The following IPO11 variants were observed in gnomAD, a reference collection of about 807,000 sequenced individuals.
IPO11 encodes the protein importin-11.
In IPO11, 66 loss-of-function variants were observed where a neutral mutation model predicts 143.2. That is an observed-to-expected ratio of 0.46 (90% CI 0.38 to 0.57). The LOEUF (loss-of-function observed/expected upper bound fraction) is 0.57, where lower values mean the gene tolerates loss of function less well. Among genes scored for constraint, IPO11 ranks in the 20% least tolerant of loss-of-function variants. IPO11 has a pLI of 0.00. For missense variants in IPO11, 1,026 were observed against 1,141.0 expected (o/e 0.90, Z 1.45); for synonymous variants, 385 against 377.8 (o/e 1.02, Z -0.22).
At chr5:62,579,586 G>C in intron 27 of IPO11, 1 of 1,551,036 alleles carries the variant, frequency 6.4e-7, no homozygotes, top group Non-Finnish European at 8.7e-7. Context: ...CCGTAACTTA[G>C]GCCTTTCGAG....
intron 28 of IPO11, among the ~76,000 whole-genome samples, chr5:62,594,845 A>G (rs561358554): frequency 1.7e-4 from 26 of 152,356 alleles, no homozygotes; most frequent in Admixed American, 2.6e-4. Context: ...AAAGGAGTCC[A>G]GGGAAACTGA....
At chr5:62,445,853 G>A (rs1198266776) in intron 3 of IPO11, among the ~76,000 whole-genome samples, 1 of 152,048 alleles carries the variant, frequency 6.6e-6, no homozygotes, top group African/African-American at 2.4e-5. Context: ...AGTATCATCT[G>A]TATTTTTTTT....
chr5:62,488,980 C>A lies in IPO11; in HGVS notation c.1310-322C>A, dbSNP rs142723796. 5.6e-4 allele frequency among the ~76,000 whole-genome samples: 85 copies of A among 152,220 alleles called. 1 individual carries two copies. The highest frequency in any genetic ancestry group is 1.8e-3 in the African/African-American group (75 of 41,528). ...AAAACCTCACTCCACTGTACTCCAG[C>A]CTGGGTGACAAAGCAAGACCTTGTC... is the stretch of plus-strand genomic sequence containing the variant. On this transcript the variant is annotated intron_variant, in intron 13 of 29. Coordinates refer to ENST00000325324, the MANE Select transcript of IPO11 (RefSeq NM_016338.5).
intron 5 of IPO11, among the ~76,000 whole-genome samples, chr5:62,455,264 G>A (rs572656842): frequency 6.6e-6 from 1 of 152,346 alleles, no homozygotes; most frequent in South Asian, 2.1e-4. Context: ...GCTCACGCCT[G>A]TAGTCCCAGC....
At chr5:62,492,082 G>A (rs907250955) in intron 15 of IPO11, among the ~76,000 whole-genome samples, 1 of 152,168 alleles carries the variant, frequency 6.6e-6, no homozygotes, top group South Asian at 2.1e-4. Flanking sequence ...TGGTAATCTT[G>A]TTAAAGTTTA....
intron 27 of IPO11, chr5:62,579,433 A>G (rs1744455092): frequency 6.4e-7 from 1 of 1,550,520 alleles, no homozygotes; most frequent in South Asian, 1.2e-5. Context: ...ATCCAAGAAC[A>G]GGGATATGTG....
At chr5:62,503,351 T>TTAATATATTAATAGTATCTAC (rs1561338219) in intron 16 of IPO11, among the ~76,000 whole-genome samples, 21 of 105,946 alleles carry the variant, frequency 2.0e-4, no homozygotes, top group Admixed American at 1.1e-3. Context: ...ATAGTATCTA[T>TTAATATATTAATAGTATCTAC]TAATATATTA....
intron 16 of IPO11, among the ~76,000 whole-genome samples, chr5:62,497,653 T>C (rs1225014743): frequency 6.6e-6 from 1 of 152,114 alleles, no homozygotes; most frequent in African/African-American, 2.4e-5. Context: ...ATTTTTTGTA[T>C]AGACGAGGTC....
At chr5:62,499,415 G>C (rs1207113543) in intron 16 of IPO11, among the ~76,000 whole-genome samples, 2 of 152,178 alleles carry the variant, frequency 1.3e-5, no homozygotes, top group Non-Finnish European at 2.9e-5. Flanking sequence ...ATGTTGCTCT[G>C]GGTGAGGCAG....
Position 62,616,719 on chromosome 5 carries a change from CA to C in IPO11, c.2764-10409del, listed in dbSNP as rs538760503. On this transcript the variant is annotated intron_variant, in intron 29 of 29. Coordinates refer to ENST00000325324, the MANE Select transcript of IPO11 (RefSeq NM_016338.5). ...TGGGGCACAGGGTGAGACTCTGACT[CA>C]AAAAAAAAAAAAAAAAAAAAAAAAA... Among the ~76,000 whole-genome samples, 138 of 84,418 alleles carry C rather than the reference CA, an allele frequency of 1.6e-3. 1 individual carries two copies. Among genetic ancestry groups the C allele is most frequent in the East Asian group, 4.3e-3 (11 of 2,584 alleles). 55.4% of individuals were successfully genotyped at this position (84,418 alleles called of 152,430 possible). A position where few individuals can be genotyped will look rare whatever the true frequency, so the allele number is the denominator to read the frequency against.
At chr5:62,555,407 T>C (rs1412860288) in intron 26 of IPO11, among the ~76,000 whole-genome samples, 1 of 152,016 alleles carries the variant, frequency 6.6e-6, no homozygotes, top group African/African-American at 2.4e-5. Flanking sequence ...CGCAAACTCT[T>C]ACTCAGGTGA....
At chr5:62,551,878 C>T (rs1257430570) in intron 26 of IPO11, among the ~76,000 whole-genome samples, 5 of 152,136 alleles carry the variant, frequency 3.3e-5, no homozygotes, top group African/African-American at 9.7e-5. Flanking sequence ...GTAATCCCAG[C>T]ACTTTGGGAG....
chr5:62,627,449 C>G lies in IPO11; in HGVS notation c.*131C>G. ...ATAAGCAAAGACCACACATTTTTTA[C>G]TACAAAATGTAAAGGATAAATGTAA... On this transcript the variant is annotated 3_prime_UTR_variant, in exon 30 of 30. Transcript: ENST00000325324. The G allele has an allele frequency of 1.3e-6, 1 of 793,520 alleles. No homozygotes were observed. Among genetic ancestry groups the G allele is most frequent in the Non-Finnish European group, 2.0e-6 (1 of 507,540 alleles). 49.2% of individuals were successfully genotyped at this position (793,520 alleles called of 1,614,324 possible). A position where few individuals can be genotyped will look rare whatever the true frequency, so the allele number is the denominator to read the frequency against.
chr5:62,428,532 C>T (rs1018660688), intron 1 of IPO11, among the ~76,000 whole-genome samples: 3 of 151,896 alleles, frequency 2.0e-5, no homozygotes, highest in South Asian at 2.1e-4. Context: ...TTAGTAGAGA[C>T]GGAGTTTCAC....
chr5:62,564,858 T>C (rs959238725), intron 27 of IPO11, among the ~76,000 whole-genome samples: 2 of 152,166 alleles, frequency 1.3e-5, no homozygotes, highest in African/African-American at 4.8e-5. Flanking sequence ...GACTACAGAC[T>C]TTAGGACCAC....
At chr5:62,588,159 C>T (rs903158338) in intron 27 of IPO11, among the ~76,000 whole-genome samples, 4 of 152,114 alleles carry the variant, frequency 2.6e-5, no homozygotes, top group African/African-American at 9.7e-5. Context: ...TGTGATCATG[C>T]TCAAAACTCT....
At chr5:62,608,396 A>G (rs1323305859) in intron 29 of IPO11, among the ~76,000 whole-genome samples, 5 of 152,188 alleles carry the variant, frequency 3.3e-5, no homozygotes, top group East Asian at 1.9e-4. Flanking sequence ...TAAAAGCTTC[A>G]CATGTTCTTT....
chr5:62,567,667 ATTC>A (rs1424771424), intron 27 of IPO11, among the ~76,000 whole-genome samples: 1 of 149,768 alleles, frequency 6.7e-6, no homozygotes, highest in African/African-American at 2.5e-5. Context: ...GGTTCAAGCA[ATTC>A]TTCTGCCTCA....
chr5:62,471,000 G>C (rs1745753985), intron 7 of IPO11, among the ~76,000 whole-genome samples: 1 of 151,230 alleles, frequency 6.6e-6, no homozygotes. Flanking sequence ...GCTAATTTTT[G>C]TATTTTTAGT....
Sources: allele counts gnomAD v4.1 joint callset (sites outside exome capture counted in the v4.1 genomes callset), GRCh38; gene constraint gnomAD v4.1.1; transcripts MANE v1.5; gene names NCBI Gene and HGNC (gene_info 2026-07-23, HGNC 2026-07-21).